The following FDFT1 variants were observed in gnomAD, a reference collection of about 807,000 sequenced individuals.
The protein encoded by FDFT1 is squalene synthase.
Under a neutral mutation model 46.8 loss-of-function variants are expected in FDFT1, and 68 were observed. That is an observed-to-expected ratio of 1.45 (90% confidence interval 1.19 to 1.78). The LOEUF is 1.78. Among genes scored for constraint, FDFT1 ranks in the 40% most tolerant of loss-of-function variants. The pLI is 0.00. For missense variants in FDFT1, 928 were observed against 524.4 expected (o/e 1.77, Z -7.52); for synonymous variants, 351 against 185.1 (o/e 1.90, Z -7.28).
At chr8:11,797,537 T>TGAAG (rs112674314), upstream of FDFT1, among the ~76,000 whole-genome samples, 2 of 151,278 alleles carry the variant, frequency 1.3e-5, no homozygotes, top group African/African-American at 4.9e-5. Flanking sequence ...AAAGAACAGA[T>TGAAG]AATCACAGCT....
intron 3 of FDFT1, among the ~76,000 whole-genome samples, chr8:11,816,429 A>T (rs968095134): frequency 3.3e-5 from 5 of 152,128 alleles, no homozygotes; most frequent in African/African-American, 1.2e-4. Context: ...CTTGATGGGG[A>T]TAGCATTGAA....
intron 3 of FDFT1, among the ~76,000 whole-genome samples, chr8:11,817,767 T>C (rs982094343): frequency 1.3e-4 from 20 of 152,268 alleles, no homozygotes; most frequent in African/African-American, 4.8e-4. Context: ...TTCTTCTTGC[T>C]AGCGGTCTAT....
chr8:11,819,368 G>C (rs770345418), intron 3 of FDFT1, among the ~76,000 whole-genome samples: 4 of 152,174 alleles, frequency 2.6e-5, no homozygotes, highest in Non-Finnish European at 5.9e-5. Flanking sequence ...GGTGTTCTCT[G>C]TATTTCCTGA....
intron 3 of FDFT1, among the ~76,000 whole-genome samples, chr8:11,812,676 A>G (rs548044137): frequency 6.6e-6 from 1 of 152,334 alleles, no homozygotes. Flanking sequence ...TTAGCTACAT[A>G]TAGTATGTGG....
At chr8:11,832,563 A>AAAAAAAAAAAAAAG (rs1810958315) in intron 7 of FDFT1, among the ~76,000 whole-genome samples, 1 of 148,186 alleles carries the variant, frequency 6.7e-6, no homozygotes, top group Non-Finnish European at 1.5e-5. Flanking sequence ...AAAAAAAAAA[A>AAAAAAAAAAAAAAG]AAAAAAAAAA....
chr8:11,829,514 A>T (rs1344213245), intron 5 of FDFT1, among the ~76,000 whole-genome samples: 1 of 152,222 alleles, frequency 6.6e-6, no homozygotes, highest in African/African-American at 2.4e-5. Flanking sequence ...AATGTTAGTC[A>T]TTATTTAGAG....
At chr8:11,817,519 A>T (rs191171924) in intron 3 of FDFT1, among the ~76,000 whole-genome samples, 360 of 152,296 alleles carry the variant, frequency 2.4e-3, no homozygotes, top group African/African-American at 8.4e-3. Context: ...TTGGTAGGCT[A>T]TTAATTATTG....
upstream of FDFT1, among the ~76,000 whole-genome samples, chr8:11,799,630 C>G (rs187923126): frequency 6.6e-6 from 1 of 152,326 alleles, no homozygotes; most frequent in Non-Finnish European, 1.5e-5. Context: ...ATTTGAAATG[C>G]TTTTTCCCTG....
At chr8:11,798,594 C>T (rs1585825980), upstream of FDFT1, among the ~76,000 whole-genome samples, 1 of 152,282 alleles carries the variant, frequency 6.6e-6, no homozygotes, top group East Asian at 1.9e-4. Context: ...TTTGTGATTA[C>T]AAAACTGAGA....
chr8:11,831,364 C>A (rs1057191162), intron 6 of FDFT1, among the ~76,000 whole-genome samples, 154 bp from the exon 7 acceptor site: 2 of 152,192 alleles, frequency 1.3e-5, no homozygotes, highest in Admixed American at 1.3e-4. Context: ...TCTTGACATA[C>A]TTTCTTCGTG....
chr8:11,814,874 T>C (rs1373637393), intron 3 of FDFT1, among the ~76,000 whole-genome samples: 48 of 152,184 alleles, frequency 3.2e-4, no homozygotes, highest in Non-Finnish European at 7.3e-5. Context: ...TTTTTTTCTT[T>C]TTCTTTTATT....
intron 1 of FDFT1, chr8:11,808,381 G>T (rs1488975368): frequency 8.1e-7 from 1 of 1,235,800 alleles, no homozygotes; most frequent in African/African-American, 1.6e-5. Context: ...CGGGGCTGCG[G>T]GGCTGCGGGG....
rs949231953 is a variant in FDFT1 at position 11,820,139 on chromosome 8, T to G, written c.382-1611T>G. Among the ~76,000 whole-genome samples the G allele has an allele frequency of 4.6e-5, 7 of 152,340 alleles. No homozygotes were observed. The South Asian group carries it at 8.3e-4, about 18-fold the overall frequency. On this transcript the variant is annotated intron_variant, in intron 3 of 7. Transcript: ENST00000220584. Reference sequence around the variant, plus strand: ...TGTTGGAGTTGCTGGAGGTCCACTCTAGACCCTGTTTACCTGGGTATCACC... The same window carrying G: ...TGTTGGAGTTGCTGGAGGTCCACTCGAGACCCTGTTTACCTGGGTATCACC...
chr8:11,813,180 T>C (rs1807973644), intron 3 of FDFT1, among the ~76,000 whole-genome samples: 1 of 152,220 alleles, frequency 6.6e-6, no homozygotes, highest in African/African-American at 2.4e-5. Context: ...CACCATTGTA[T>C]TTCCAGTCTC....
intron 3 of FDFT1, among the ~76,000 whole-genome samples, chr8:11,816,550 G>A (rs1808481657): frequency 6.6e-6 from 1 of 152,188 alleles, no homozygotes; most frequent in Non-Finnish European, 1.5e-5. Context: ...TCATTGAGCA[G>A]TGGTTTGTAG....
upstream of FDFT1, among the ~76,000 whole-genome samples, chr8:11,800,823 C>G (rs77512931): frequency 9.8e-3 from 1,499 of 152,312 alleles, 22 homozygotes; most frequent in African/African-American, 0.034. Context: ...AGAGGAACCT[C>G]TACTTTACTT....
intron 3 of FDFT1, among the ~76,000 whole-genome samples, chr8:11,812,378 G>A (rs951688770): frequency 6.6e-6 from 1 of 152,212 alleles, no homozygotes; most frequent in Non-Finnish European, 1.5e-5. Context: ...GTTGGGGAGT[G>A]TTGTGGATGG....
At chr8:11,820,661 A>G (rs1005396208) in intron 3 of FDFT1, among the ~76,000 whole-genome samples, 1 of 152,198 alleles carries the variant, frequency 6.6e-6, no homozygotes, top group Non-Finnish European at 1.5e-5. Context: ...TTCCATGGGC[A>G]TGGGACCCCC....
intron 3 of FDFT1, among the ~76,000 whole-genome samples, chr8:11,810,185 T>G (rs927649701): frequency 3.3e-5 from 5 of 151,588 alleles, no homozygotes; most frequent in African/African-American, 1.2e-4. Context: ...TGTTAGCTAC[T>G]GCTGTTATTA....
Sources: gnomAD v4.1 joint callset for allele counts (sites outside exome capture counted in the v4.1 genomes callset) on GRCh38, gnomAD v4.1.1 for gene constraint, MANE v1.5 for transcripts, NCBI Gene and HGNC (gene_info 2026-07-23, HGNC 2026-07-21) for gene names.